POLN: variants seen among roughly 807,000 people sequenced by gnomAD.
The protein encoded by POLN is DNA polymerase N.
A neutral mutation model predicts 113.5 loss-of-function variants in POLN; 108 were observed. That is an observed-to-expected ratio of 0.95 (90% CI 0.81 to 1.12). POLN has a LOEUF of 1.12. POLN is among the 50% of genes most tolerant of loss of function. The pLI, the probability that POLN is intolerant of heterozygous loss-of-function variation, is 0.00. For synonymous variants in POLN, 386 were observed against 391.5 expected (o/e 0.99, Z 0.17); for missense variants, 1,097 against 1,077.1 (o/e 1.02, Z -0.26).
intron 4 of POLN, among the ~76,000 whole-genome samples, chr4:2,211,126 C>T (rs1259139781): frequency 6.9e-6 from 1 of 145,854 alleles, no homozygotes; most frequent in African/African-American, 2.5e-5. Context: ...TGGTGGGCAC[C>T]TGTAATCCCA....
intron 19 of POLN, among the ~76,000 whole-genome samples, chr4:2,098,914 G>T (rs978563075): frequency 3.5e-5 from 2 of 56,730 alleles, no homozygotes; most frequent in African/African-American, 9.4e-5. Context: ...ATGCACGTGC[G>T]TGCGCACACA....
In POLN at chr4:2,198,314, C is replaced by T. The variant is rs571946583; in HGVS notation, c.908+210G>A. Reference sequence around the variant, plus strand: ...CAAGTCCTGGAGCCGGCTGCTCCCACAGAAGAACGGAACTCCATTCCAGAT... The same window carrying T: ...CAAGTCCTGGAGCCGGCTGCTCCCATAGAAGAACGGAACTCCATTCCAGAT... On this transcript the variant is annotated intron_variant, in intron 6 of 25. Transcript: ENST00000511885. Among the ~76,000 whole-genome samples, 224 of 152,244 alleles carry T rather than the reference C, an allele frequency of 1.5e-3. 1 individual carries two copies. Among genetic ancestry groups the T allele is most frequent in the African/African-American group, 5.2e-3 (218 of 41,538 alleles).
chr4:2,178,650 C>T (rs951005052), intron 8 of POLN, among the ~76,000 whole-genome samples: 3 of 151,142 alleles, frequency 2.0e-5, no homozygotes, highest in Admixed American at 6.6e-5. Context: ...CTCACTCTGT[C>T]ACTCAGGCTG....
At chr4:2,212,994 T>C (rs1321198301) in intron 4 of POLN, 53 bp downstream of exon 4, 2 of 1,274,490 alleles carry the variant, frequency 1.6e-6, no homozygotes, top group African/African-American at 3.0e-5. Context: ...AATAAGCATC[T>C]ATTGAACAAA....
intron 5 of POLN, among the ~76,000 whole-genome samples, chr4:2,201,500 A>G (rs1733714957): frequency 6.6e-6 from 1 of 151,900 alleles, no homozygotes; most frequent in South Asian, 2.1e-4. Context: ...ACAAAGACAA[A>G]GAAAAAAGAA....
rs35030759 is a variant in POLN at position 2,170,316 on chromosome 4, C to A, written c.1554+363G>T. Among the ~76,000 whole-genome samples the A allele has an allele frequency of 2.3e-3, 350 of 152,250 alleles. 1 individual carries two copies. The highest frequency in any genetic ancestry group is 0.01 in the Middle Eastern group (3 of 294). ...TCTCAAGAGAGGGGTAGGTAAAATTCTCTAAAATAAATCTGAGGAAAGGAG... is the reference window on the plus strand; with the variant it reads ...TCTCAAGAGAGGGGTAGGTAAAATTATCTAAAATAAATCTGAGGAAAGGAG... On this transcript the variant is annotated intron_variant, in intron 13 of 25. Coordinates refer to ENST00000511885, the MANE Select transcript of POLN (RefSeq NM_181808.4).
At chr4:2,169,396 G>A (rs1732805692) in intron 13 of POLN, among the ~76,000 whole-genome samples, 1 of 152,170 alleles carries the variant, frequency 6.6e-6, no homozygotes, top group Non-Finnish European at 1.5e-5. Context: ...GGGAAAAGGA[G>A]GCATGCTCAG....
intron 16 of POLN, among the ~76,000 whole-genome samples, chr4:2,135,447 G>A (rs1351381866): frequency 6.6e-6 from 1 of 152,170 alleles, no homozygotes. Context: ...CATGTGCACG[G>A]GTTCACATTT....
At chr4:2,103,227 C>T (rs998708797) in intron 19 of POLN, among the ~76,000 whole-genome samples, 1 of 151,670 alleles carries the variant, frequency 6.6e-6, no homozygotes, top group African/African-American at 2.4e-5. Context: ...AGAAACTTAC[C>T]AAAGAAATAG....
intron 13 of POLN, among the ~76,000 whole-genome samples, chr4:2,164,541 G>A (rs1457213504): frequency 7.0e-5 from 10 of 142,828 alleles, no homozygotes; most frequent in African/African-American, 2.6e-4. Flanking sequence ...GGTGGCTCAC[G>A]CCTGTAATCC....
At chr4:2,156,197 C>G (rs1268199575) in intron 16 of POLN, among the ~76,000 whole-genome samples, 1 of 152,154 alleles carries the variant, frequency 6.6e-6, no homozygotes, top group Non-Finnish European at 1.5e-5. Context: ...TACCACAGTT[C>G]TGCACAGTGG....
At chr4:2,114,704 T>C (rs190517794) in intron 19 of POLN, among the ~76,000 whole-genome samples, 9 of 152,224 alleles carry the variant, frequency 5.9e-5, no homozygotes, top group African/African-American at 2.2e-4. Flanking sequence ...TTTTACATTG[T>C]CTAATGTGTT....
At chr4:2,136,202 A>G (rs1731853533) in intron 16 of POLN, among the ~76,000 whole-genome samples, 2 of 152,234 alleles carry the variant, frequency 1.3e-5, no homozygotes, top group Non-Finnish European at 2.9e-5. Context: ...ATACAGCAGA[A>G]TGACTAGTTT....
intron 13 of POLN, among the ~76,000 whole-genome samples, chr4:2,167,573 T>A (rs1014744110): frequency 2.0e-5 from 3 of 152,180 alleles, no homozygotes; most frequent in African/African-American, 7.2e-5. Context: ...TGACATTGCA[T>A]AGACTGTGTT....
rs754428945 is a variant in POLN at position 2,126,431 on chromosome 4, G to T, written c.1982+1682C>A. The stretch of plus-strand genomic sequence containing the variant: ...CATTCATTTATTTGACAAATCCTTT[G>T]TGAGTCCCCACCCTTTGTGGAGCAC... On this transcript the variant is annotated intron_variant, in intron 19 of 25. Transcript: ENST00000511885. The surrounding 1 kb of genome is among the most constrained non-coding windows in gnomAD (Gnocchi z 4.6). Among the ~76,000 whole-genome samples, 1 of 152,178 alleles carries T rather than the reference G, an allele frequency of 6.6e-6. No homozygotes were observed. Among genetic ancestry groups the T allele is most frequent in the Non-Finnish European group, 1.5e-5 (1 of 68,028 alleles).
chr4:2,150,204 T>G (rs967634606), intron 16 of POLN, among the ~76,000 whole-genome samples: 3 of 152,138 alleles, frequency 2.0e-5, no homozygotes, highest in Non-Finnish European at 4.4e-5. Context: ...CATGCTAATA[T>G]TCAAAGAAAA....
chr4:2,184,699 C>T (rs1392987659), intron 7 of POLN, among the ~76,000 whole-genome samples: 1 of 152,158 alleles, frequency 6.6e-6, no homozygotes, highest in Admixed American at 6.5e-5. Context: ...GAAGAAATGG[C>T]TAATTTCAGG....
intron 2 of POLN, among the ~76,000 whole-genome samples, chr4:2,234,085 A>C (rs1324734970): frequency 6.6e-6 from 1 of 152,244 alleles, no homozygotes; most frequent in Non-Finnish European, 1.5e-5. Flanking sequence ...CAAAATACCC[A>C]GTAACAATAA....
At chr4:2,101,469 T>G (rs1730922638) in intron 19 of POLN, among the ~76,000 whole-genome samples, 1 of 151,972 alleles carries the variant, frequency 6.6e-6, no homozygotes, top group South Asian at 2.1e-4. Flanking sequence ...GGAACCAGAG[T>G]GACTCCCCAG....
Sources: gnomAD v4.1 joint callset for allele counts (sites outside exome capture counted in the v4.1 genomes callset) on GRCh38, gnomAD v4.1.1 for gene constraint, Gnocchi (gnomAD v3.1) non-coding constraint, MANE v1.5 for transcripts, NCBI Gene and HGNC (gene_info 2026-07-23, HGNC 2026-07-21) for gene names.